Variants in PLAA observed in about 807,000 individuals in gnomAD.
PLAA encodes the protein phospholipase A2 activating protein.
A neutral mutation model predicts 84.1 loss-of-function variants in PLAA; 48 were observed. The ratio of observed to expected loss-of-function variants is 0.57; its 90% CI spans 0.45 to 0.73. The LOEUF (loss-of-function observed/expected upper bound fraction) is 0.73, where lower values mean the gene tolerates loss of function less well. Ranked by LOEUF, PLAA falls within the 30% of genes least tolerant of loss-of-function variation. The pLI is 0.00. For missense variants in PLAA, 903 were observed against 954.7 expected (o/e 0.95, Z 0.71); for synonymous variants, 392 against 336.6 (o/e 1.16, Z -1.80).
intron 1 of PLAA, among the ~76,000 whole-genome samples, chr9:26,936,923 C>G (rs1825377735): frequency 6.6e-6 from 1 of 151,952 alleles, no homozygotes; most frequent in Admixed American, 6.6e-5. Context: ...GGTAGATCAC[C>G]TGAGGTCAGG....
In PLAA at chr9:26,941,300, G is replaced by A. The variant is rs573705475; in HGVS notation, c.149+5597C>T. Among the ~76,000 whole-genome samples, 12 of 152,186 alleles carry A rather than the reference G, an allele frequency of 7.9e-5. 1 individual carries two copies. The East Asian group carries it at 1.9e-3, about 24-fold the overall frequency. Reference sequence around the variant, plus strand: ...AAAATCTTTGAATGGGGGGACATAAGGATAGTTGAGTCTTGGGAGTGTGAA... The same window carrying A: ...AAAATCTTTGAATGGGGGGACATAAAGATAGTTGAGTCTTGGGAGTGTGAA... On this transcript the variant is annotated intron_variant, in intron 1 of 13. Coordinates refer to ENST00000397292, the MANE Select transcript of PLAA (RefSeq NM_001031689.3).
chr9:26,927,660 A>G (rs1012196133), intron 4 of PLAA, among the ~76,000 whole-genome samples: 1 of 152,174 alleles, frequency 6.6e-6, no homozygotes, highest in African/African-American at 2.4e-5. Flanking sequence ...ACATAAACAA[A>G]GCTTGAAATT....
At chr9:26,918,135 G>A (rs1294925595) in intron 9 of PLAA, among the ~76,000 whole-genome samples, 4 of 151,726 alleles carry the variant, frequency 2.6e-5, no homozygotes, top group East Asian at 1.9e-4. Context: ...TTTTTCAGAC[G>A]GAATCTTGCA....
intron 2 of PLAA, among the ~76,000 whole-genome samples, chr9:26,934,432 G>A (rs1587183815): frequency 6.8e-6 from 1 of 147,732 alleles, no homozygotes; most frequent in East Asian, 2.0e-4. Flanking sequence ...GACTCATGAA[G>A]TATATTCAAA....
chr9:26,935,855 T>C (rs1050053420), intron 1 of PLAA, among the ~76,000 whole-genome samples: 1 of 150,638 alleles, frequency 6.6e-6, no homozygotes, highest in African/African-American at 2.4e-5. Context: ...AGTAATATTA[T>C]ATAATATATA....
At position 26,928,333 on chromosome 9, in the gene PLAA, T is replaced by C; in HGVS notation, c.419A>G (p.Asn140Ser). The C allele has an allele frequency of 1.9e-6, 3 of 1,614,184 alleles. No individual in the cohort carries two copies. Among genetic ancestry groups the C allele is most frequent in the Non-Finnish European group, 2.5e-6 (3 of 1,179,996 alleles). Residue 140 changes from asparagine to serine, a missense_variant, in exon 3 of 14, where the codon AAT becomes AGT. Physicochemically the swap from Asn to Ser is conservative, Grantham distance 46. Coordinates refer to ENST00000397292, the MANE Select transcript of PLAA (RefSeq NM_001031689.3). Reference protein sequence around the residue: ...SWDTTAKVWLNDKCMMTLQGH... With the variant: ...SWDTTAKVWLSDKCMMTLQGH... ...CTGCAAGGTCATCATGCACTTGTCA[T>C]TCAGCCAGACTTTAGCAGTGGTGTC...
Position 26,916,212 on chromosome 9 carries a change from T to C in PLAA, c.1486+885A>G, listed in dbSNP as rs1018729733. The C allele has an allele frequency of 8.1e-6, 8 of 985,250 alleles. No homozygotes were observed. In the African/African-American group the frequency reaches 1.4e-4, roughly 17 times the overall value. 61.0% of individuals were successfully genotyped at this position (985,250 alleles called of 1,614,324 possible). A position where few individuals can be genotyped will look rare whatever the true frequency, so the allele number is the denominator to read the frequency against. On this transcript the variant is annotated intron_variant, in intron 10 of 13. Transcript: ENST00000397292. ...CTATGACTTAGAGAGGACTGTAGGT[T>C]GTCATTTTTATAGCTCACAGTACCA...
intron 11 of PLAA, among the ~76,000 whole-genome samples, chr9:26,913,239 A>G (rs921993648): frequency 2.0e-5 from 3 of 152,216 alleles, no homozygotes; most frequent in African/African-American, 7.2e-5. Context: ...AAAGAGATGA[A>G]CCACAAATTT....
rs533063070 is a variant in PLAA at position 26,922,370 on chromosome 9, A to T, written c.1039+808T>A. Reference sequence around the variant, plus strand: ...TTAAAGCCCCTGGCTTGATTTACATACTAGTGAACCAGTGGTTTTACCCAC... The same window carrying T: ...TTAAAGCCCCTGGCTTGATTTACATTCTAGTGAACCAGTGGTTTTACCCAC... On this transcript the variant is annotated intron_variant, in intron 7 of 13. Transcript: ENST00000397292. 3.9e-5 allele frequency among the ~76,000 whole-genome samples: 6 copies of T among 152,036 alleles called. No individual in the cohort carries two copies. In the South Asian group the frequency reaches 1.2e-3, roughly 32 times the overall value.
rs1337524881 is a variant in PLAA at position 26,928,323 on chromosome 9, G to A, written c.429C>T (p.Cys143=). The A allele has an allele frequency of 3.7e-6, 6 of 1,613,806 alleles. No homozygotes were observed. In the South Asian group the frequency reaches 4.4e-5, roughly 12 times the overall value. ...TTAKVWLNDK[C]MMTLQGHTAA... is the part of the protein sequence containing the mutation. ...ACTACTGTACCTGCAAGGTCATCATGCACTTGTCATTCAGCCAGACTTTAG... is the reference window on the plus strand; with the variant it reads ...ACTACTGTACCTGCAAGGTCATCATACACTTGTCATTCAGCCAGACTTTAG... Residue 143 remains cysteine, a synonymous_variant, in exon 3 of 14, where the codon TGC becomes TGT. Coordinates refer to ENST00000397292, the MANE Select transcript of PLAA (RefSeq NM_001031689.3).
At position 26,903,563 on chromosome 9, in the gene PLAA, T is replaced by A. The variant is rs1463194515; in HGVS notation, c.*1948A>T. Among the ~76,000 whole-genome samples, 1 of 152,186 alleles carries A rather than the reference T, an allele frequency of 6.6e-6. No homozygotes were observed. Among genetic ancestry groups the A allele is most frequent in the African/African-American group, 2.4e-5 (1 of 41,458 alleles). ...AGTGGCCTTACAGGCAATTTTTATT[T>A]GGGGTGTGTGTGTTTTACTCAATAA... On this transcript the variant is annotated 3_prime_UTR_variant, in exon 14 of 14. Transcript: ENST00000397292.
intron 12 of PLAA, among the ~76,000 whole-genome samples, chr9:26,909,369 T>C (rs1332939690): frequency 1.3e-5 from 2 of 152,212 alleles, no homozygotes; most frequent in African/African-American, 2.4e-5. Context: ...TACTACATTA[T>C]TCAAAATAAA....
At chr9:26,940,489 T>A (rs761657246) in intron 1 of PLAA, among the ~76,000 whole-genome samples, 10 of 152,170 alleles carry the variant, frequency 6.6e-5, no homozygotes, top group Non-Finnish European at 8.8e-5. Context: ...GTTGCCAGGG[T>A]CTGGGGGTGG....
chr9:26,938,551 T>G (rs1825430400), intron 1 of PLAA, among the ~76,000 whole-genome samples: 1 of 132,132 alleles, frequency 7.6e-6, no homozygotes, highest in African/African-American at 3.0e-5. Flanking sequence ...AGACACCATT[T>G]CTTAAAAAAA....
intron 2 of PLAA, among the ~76,000 whole-genome samples, chr9:26,928,770 T>C (rs1368980272): frequency 1.3e-5 from 2 of 152,242 alleles, no homozygotes; most frequent in African/African-American, 2.4e-5. Context: ...ACACTGTTTA[T>C]ATAAATATTT....
chr9:26,928,599 C>T (rs1168051005), intron 2 of PLAA, among the ~76,000 whole-genome samples, 191 bp from the exon 3 acceptor site: 2 of 152,196 alleles, frequency 1.3e-5, no homozygotes, highest in African/African-American at 4.8e-5. Context: ...ACTGCCTGGG[C>T]GCAAGGCCTA....
Position 26,905,472 on chromosome 9 carries a change from C to T in PLAA, c.*39G>A. ...GTCATGTCAAATGTGAGGAAAAAAA[C>T]ACTAATCAATTAAAAATATCCGTCC... On this transcript the variant is annotated 3_prime_UTR_variant, in exon 14 of 14. Coordinates refer to ENST00000397292, the MANE Select transcript of PLAA (RefSeq NM_001031689.3). 1 of 1,393,044 alleles carries T rather than the reference C, an allele frequency of 7.2e-7. No homozygotes were observed. Among genetic ancestry groups the T allele is most frequent in the East Asian group, 2.3e-5 (1 of 43,666 alleles). The allele number at this position is 1,393,044 out of a possible 1,614,324, so 86.3% of individuals were successfully genotyped here.
In PLAA at chr9:26,935,200, G is replaced by A. The variant is rs868428372; in HGVS notation, c.156C>T (p.Asn52=). The A allele has an allele frequency of 7.1e-6, 11 of 1,553,224 alleles. No homozygotes were observed. The Middle Eastern group carries it at 8.5e-4, about 120-fold the overall frequency. Residue 52 remains asparagine (N), a synonymous_variant, in exon 2 of 14, where the codon AAC becomes AAT. Coordinates refer to ENST00000397292, the MANE Select transcript of PLAA (RefSeq NM_001031689.3). ...TACAGTGCATTTCTGTAAAGCTCCT[G>A]TTTGGACTGGAAAGACAAGATAATT... ...TTRLWAPDSP[N]RSFTEMHCMS... is the part of the protein sequence containing the mutation.
intron 9 of PLAA, among the ~76,000 whole-genome samples, chr9:26,918,185 C>G (rs1219291125): frequency 6.6e-6 from 1 of 151,806 alleles, no homozygotes; most frequent in Non-Finnish European, 1.5e-5. Context: ...GATCTTGGCT[C>G]GCTGCCACCT....
Sources: gnomAD v4.1 joint callset for allele counts (sites outside exome capture counted in the v4.1 genomes callset) on GRCh38, gnomAD v4.1.1 for gene constraint, MANE v1.5 for transcripts, NCBI Gene and HGNC (gene_info 2026-07-23, HGNC 2026-07-21) for gene names.